Variants in NAA11 observed in about 807,000 individuals in gnomAD.
The protein encoded by NAA11 is N-alpha-acetyltransferase 11, NatA catalytic subunit.
A neutral mutation model predicts 16.1 loss-of-function variants in NAA11; 15 were observed. The observed-to-expected ratio is 0.93, with a 90% CI of 0.62 to 1.44. The LOEUF (loss-of-function observed/expected upper bound fraction) is 1.44. NAA11 is among the 40% of genes most tolerant of loss of function. NAA11 has a pLI of 0.00. For missense variants in NAA11, 298 were observed against 291.3 expected (o/e 1.02, Z -0.17); for synonymous variants, 122 against 112.4 (o/e 1.09, Z -0.54).
At chr4:79,196,346 T>G in the NAA11 span, among the ~76,000 whole-genome samples, 4 of 152,032 alleles carry the variant, frequency 2.6e-5, no homozygotes, top group Non-Finnish European at 4.4e-5. Flanking sequence ...TCCATAACAC[T>G]GCTAGGCTTT....
At chr4:79,191,414 A>AT in the NAA11 span, among the ~76,000 whole-genome samples, 1 of 149,104 alleles carries the variant, frequency 6.7e-6, no homozygotes, top group Non-Finnish European at 1.5e-5. Context: ...TTTGATTTCC[A>AT]TTTTTCTAAT....
At chr4:79,224,285 G>A (rs2109950872), downstream of NAA11, among the ~76,000 whole-genome samples, 1 of 152,232 alleles carries the variant, frequency 6.6e-6, no homozygotes, top group South Asian at 2.1e-4. Context: ...CAAGAGGCAA[G>A]TCACAAAATT....
At chr4:79,177,486 A>C in the NAA11 span, among the ~76,000 whole-genome samples, 1 of 152,004 alleles carries the variant, frequency 6.6e-6, no homozygotes, top group African/African-American at 2.4e-5. Context: ...ATGTCCTTTC[A>C]TGCATCAGTT....
At chr4:79,200,069 A>G in the NAA11 span, among the ~76,000 whole-genome samples, 6 of 151,836 alleles carry the variant, frequency 4.0e-5, no homozygotes, top group Admixed American at 6.6e-5. Flanking sequence ...TCAAATATTT[A>G]TGGGGTACCT....
At chr4:79,185,140 G>A in the NAA11 span, among the ~76,000 whole-genome samples, 2 of 151,680 alleles carry the variant, frequency 1.3e-5, no homozygotes, top group African/African-American at 4.9e-5. Flanking sequence ...TTCATTGTAG[G>A]TTCTTTCTCT....
chr4:79,260,893 C>T (rs1419107956), intron 2 of NAA11, among the ~76,000 whole-genome samples: 1 of 152,166 alleles, frequency 6.6e-6, no homozygotes, highest in East Asian at 1.9e-4. Flanking sequence ...AAATCATTTT[C>T]ACATTTATAT....
At chr4:79,240,438 A>G (rs1231096352) in intron 2 of NAA11, among the ~76,000 whole-genome samples, 3 of 152,194 alleles carry the variant, frequency 2.0e-5, no homozygotes, top group Non-Finnish European at 4.4e-5. Context: ...TGCCTTTTCT[A>G]TAGCCAGAAT....
chr4:79,261,542 T>A (rs1392222306), intron 2 of NAA11, among the ~76,000 whole-genome samples: 1 of 152,188 alleles, frequency 6.6e-6, no homozygotes, highest in Non-Finnish European at 1.5e-5. Context: ...CGGAACACAG[T>A]GTACCTGTAC....
intron 2 of NAA11, among the ~76,000 whole-genome samples, chr4:79,286,953 A>G (rs1722953619): frequency 6.6e-6 from 1 of 152,130 alleles, no homozygotes; most frequent in Non-Finnish European, 1.5e-5. Flanking sequence ...AATTCTCATG[A>G]AAAATATGGA....
At chr4:79,302,932 TTTTG>T (rs1354128867) in intron 1 of NAA11, among the ~76,000 whole-genome samples, 1 of 151,678 alleles carries the variant, frequency 6.6e-6, no homozygotes, top group African/African-American at 2.4e-5. Context: ...TAAAATTCTA[TTTTG>T]TTTGAGACTT....
In NAA11 at chr4:79,250,185, C is replaced by T. The variant is rs112166845; in HGVS notation, c.*123-23915G>A. 4.6e-5 allele frequency among the ~76,000 whole-genome samples: 7 copies of T among 150,666 alleles called. 1 individual carries two copies. Among genetic ancestry groups the T allele is most frequent in the African/African-American group, 1.7e-4 (7 of 40,966 alleles). On this transcript the variant is annotated intron_variant and NMD_transcript_variant, in intron 2 of 2. Transcript: ENST00000511542. ...TCTGAGGCAGAGAGCTGTGTAGATT[C>T]TCAGCGGCCACTTGGGCATGCACGG...
intron 1 of NAA11, among the ~76,000 whole-genome samples, chr4:79,302,548 T>A (rs1723423121): frequency 6.6e-6 from 1 of 152,184 alleles, no homozygotes; most frequent in South Asian, 2.1e-4. Flanking sequence ...TGTCATTGCA[T>A]TGTCTGAGAC....
At chr4:79,288,459 A>G (rs1723000780) in intron 2 of NAA11, among the ~76,000 whole-genome samples, 1 of 152,224 alleles carries the variant, frequency 6.6e-6, no homozygotes, top group South Asian at 2.1e-4. Flanking sequence ...TTTCTTAAAT[A>G]CAGCTTTAAA....
chr4:79,284,878 CAAAAAAA>C lies in NAA11; in HGVS notation c.*122+9120_*122+9126del, dbSNP rs558413914. On this transcript the variant is annotated intron_variant and NMD_transcript_variant, in intron 2 of 2. Transcript: ENST00000511542. ...TGGGCGACAGAGCGAGACTCCGTCT[CAAAAAAA>C]AAAAAAAAAAAAAAAAAAAAGAATG... 1.2e-3 allele frequency among the ~76,000 whole-genome samples: 6 copies of C among 5,150 alleles called. 1 individual carries two copies. The highest frequency in any genetic ancestry group is 2.6e-3 in the East Asian group (1 of 378). 3.4% of individuals were successfully genotyped at this position (5,150 alleles called of 152,430 possible). A position where few individuals can be genotyped will look rare whatever the true frequency, so the allele number is the denominator to read the frequency against.
chr4:79,224,183 A>G (rs1721260653), downstream of NAA11, among the ~76,000 whole-genome samples: 1 of 152,154 alleles, frequency 6.6e-6, no homozygotes. Context: ...CATGTTCAGC[A>G]GGCAAGAATC....
chr4:79,304,193 C>A (rs1723494536), intron 1 of NAA11, among the ~76,000 whole-genome samples: 2 of 152,160 alleles, frequency 1.3e-5, no homozygotes, highest in Admixed American at 6.5e-5. Flanking sequence ...TGAACCTCAG[C>A]ATCTGTAGAT....
the NAA11 span, among the ~76,000 whole-genome samples, chr4:79,184,317 C>T: frequency 2.0e-5 from 3 of 152,022 alleles, no homozygotes; most frequent in Non-Finnish European, 2.9e-5. Context: ...GCTGAACTGC[C>T]GCAAGGATGC....
intron 1 of NAA11, among the ~76,000 whole-genome samples, chr4:79,318,717 T>G (rs950043320): frequency 1.3e-5 from 2 of 152,180 alleles, no homozygotes; most frequent in Non-Finnish European, 2.9e-5. Context: ...AGAAAGACTA[T>G]CATCATTGCC....
chr4:79,317,819 G>T (rs984377822), intron 1 of NAA11, 28 bp from the exon 2 acceptor site: 7 of 152,256 alleles, frequency 4.6e-5, no homozygotes, highest in Admixed American at 1.3e-4. Context: ...GAAAACAAAT[G>T]AGAAAGGGAG....
Sources: gnomAD v4.1 joint callset for allele counts (sites outside exome capture counted in the v4.1 genomes callset) on GRCh38, gnomAD v4.1.1 for gene constraint, MANE v1.5 for transcripts, NCBI Gene and HGNC (gene_info 2026-07-23, HGNC 2026-07-21) for gene names.